Variants in ARHGAP15 observed in about 807,000 individuals in gnomAD.
ARHGAP15 encodes the protein Rho GTPase activating protein 15.
A neutral mutation model predicts 63.7 loss-of-function variants in ARHGAP15; 51 were observed. That is an observed-to-expected ratio of 0.80 (90% CI 0.64 to 1.01). The LOEUF (loss-of-function observed/expected upper bound fraction) is 1.01, where lower values mean the gene tolerates loss of function less well. Among genes scored for constraint, ARHGAP15 ranks in the 50% least tolerant of loss-of-function variants. The pLI is 0.00. For synonymous variants in ARHGAP15, 191 were observed against 193.8 expected, an observed-to-expected ratio of 0.99 and a Z score of 0.12; for missense variants, 560 against 564.6, an observed-to-expected ratio of 0.99 and a Z score of 0.08.
chr2:143,174,414 A>G (rs372867116), intron 2 of ARHGAP15, among the ~76,000 whole-genome samples: 8 of 152,260 alleles, frequency 5.3e-5, no homozygotes, highest in Middle Eastern at 3.4e-3. Flanking sequence ...CATAATTGGC[A>G]AACACTAACT....
intron 6 of ARHGAP15, among the ~76,000 whole-genome samples, chr2:143,400,854 A>C (rs1383656296): frequency 3.9e-5 from 6 of 152,074 alleles, no homozygotes; most frequent in Non-Finnish European, 2.9e-5. Context: ...TGTTTTCAAC[A>C]GCTGATTGGG....
intron 1 of ARHGAP15, 111 bp from the exon 2 acceptor site, chr2:143,155,366 C>T: frequency 9.5e-7 from 1 of 1,052,770 alleles, no homozygotes; most frequent in Admixed American, 3.4e-5. Context: ...GAGGTGAAGA[C>T]TCTTGTTTAT....
chr2:143,519,232 A>AT (rs761439072), intron 9 of ARHGAP15, 34 bp from the exon 10 acceptor site: 1 of 1,491,502 alleles, frequency 6.7e-7, no homozygotes, highest in East Asian at 2.3e-5. Context: ...GCAAGCTTGG[A>AT]TTTTAATGAA....
chr2:143,499,298 T>A (rs1309497630), intron 9 of ARHGAP15, among the ~76,000 whole-genome samples: 1 of 152,212 alleles, frequency 6.6e-6, no homozygotes, highest in Non-Finnish European at 1.5e-5. Context: ...TTGCAGCCAA[T>A]TCAGAATAAC....
At chr2:143,289,602 T>A (rs1682287798) in intron 6 of ARHGAP15, among the ~76,000 whole-genome samples, 1 of 152,178 alleles carries the variant, frequency 6.6e-6, no homozygotes, top group Non-Finnish European at 1.5e-5. Context: ...TCAAAGCTTC[T>A]TCCTGCTTAT....
chr2:143,531,494 A>G (rs1157953462), intron 10 of ARHGAP15, among the ~76,000 whole-genome samples: 1 of 152,204 alleles, frequency 6.6e-6, no homozygotes, highest in Admixed American at 6.5e-5. Context: ...TGTAAATAGC[A>G]GGTTTATAGG....
chr2:143,207,525 G>A (rs1262324832), intron 3 of ARHGAP15, among the ~76,000 whole-genome samples: 2 of 143,934 alleles, frequency 1.4e-5, no homozygotes, highest in Non-Finnish European at 3.0e-5. Context: ...CACACACACA[G>A]TGCCATGAGT....
At position 143,153,842 on chromosome 2, in the gene ARHGAP15, CT is replaced by C. The variant is rs1327922567; in HGVS notation, c.-14-1633del. 3.0e-3 allele frequency among the ~76,000 whole-genome samples: 258 copies of C among 85,878 alleles called. 2 individuals carry two copies. The highest frequency in any genetic ancestry group is 9.5e-3 in the African/African-American group (239 of 25,192). 56.3% of individuals were successfully genotyped at this position (85,878 alleles called of 152,430 possible). On this transcript the variant is annotated intron_variant, in intron 1 of 13. Coordinates refer to ENST00000295095, the MANE Select transcript of ARHGAP15 (RefSeq NM_018460.4). ...TCTTCTTCTTCTTCTTCTTCTTCTT[CT>C]TCCTCCTCCTCCTCCTCCTCCTCCT...
At chr2:143,660,367 C>G (rs1681694418) in intron 12 of ARHGAP15, among the ~76,000 whole-genome samples, 1 of 152,136 alleles carries the variant, frequency 6.6e-6, no homozygotes, top group East Asian at 1.9e-4. Flanking sequence ...GCCGATACTG[C>G]TTTCAAGCAG....
intron 6 of ARHGAP15, among the ~76,000 whole-genome samples, chr2:143,290,885 G>A (rs1219161981): frequency 3.3e-5 from 5 of 152,202 alleles, no homozygotes; most frequent in South Asian, 2.1e-4. Context: ...CAGGTAACGA[G>A]GTAGAAAAGA....
intron 6 of ARHGAP15, among the ~76,000 whole-genome samples, chr2:143,389,482 G>A (rs1392180326): frequency 6.6e-6 from 1 of 152,152 alleles, no homozygotes; most frequent in South Asian, 2.1e-4. Context: ...AAACATGTCA[G>A]CATTTTCCCC....
At chr2:143,386,028 C>G (rs1416285223) in intron 6 of ARHGAP15, among the ~76,000 whole-genome samples, 1 of 151,988 alleles carries the variant, frequency 6.6e-6, no homozygotes, top group Non-Finnish European at 1.5e-5. Context: ...ATATTCAACT[C>G]TAATCATTGT....
intron 6 of ARHGAP15, 105 bp downstream of exon 6, chr2:143,250,705 A>AGC: frequency 1.1e-6 from 1 of 877,158 alleles, no homozygotes; most frequent in Non-Finnish European, 1.7e-6. Flanking sequence ...CATGTACATG[A>AGC]ACTCGTTGTC....
Position 143,510,117 on chromosome 2 carries a change from T to C in ARHGAP15, c.827-9149T>C, listed in dbSNP as rs566628895. Among the ~76,000 whole-genome samples, 4 of 145,646 alleles carry C rather than the reference T, an allele frequency of 2.7e-5. No individual in the cohort carries two copies. The South Asian group carries it at 8.9e-4, about 32-fold the overall frequency. On this transcript the variant is annotated intron_variant, in intron 9 of 13. Transcript: ENST00000295095. ...AAAACCAATTCTCAAAAGGAAAAACTAATGTAATTTATAGTTTAAAATCAA... is the reference window on the plus strand; with the variant it reads ...AAAACCAATTCTCAAAAGGAAAAACCAATGTAATTTATAGTTTAAAATCAA...
chr2:143,317,496 T>C (rs997890833), intron 6 of ARHGAP15, among the ~76,000 whole-genome samples: 3 of 152,162 alleles, frequency 2.0e-5, no homozygotes, highest in Non-Finnish European at 2.9e-5. Flanking sequence ...GAAAGAAGAC[T>C]TGTTTTGAGA....
At chr2:143,558,168 G>A (rs1057145501) in intron 11 of ARHGAP15, among the ~76,000 whole-genome samples, 3 of 152,100 alleles carry the variant, frequency 2.0e-5, no homozygotes, top group South Asian at 2.1e-4. Context: ...CAGGTCCTCT[G>A]AATGTTTTTC....
Position 143,409,076 on chromosome 2 carries a change from C to T in ARHGAP15, c.475-26525C>T, listed in dbSNP as rs73001520. Among the ~76,000 whole-genome samples the T allele has an allele frequency of 4.7e-3, 710 of 152,060 alleles. 9 individuals carry two copies. Among genetic ancestry groups the T allele is most frequent in the African/African-American group, 0.016 (669 of 41,524 alleles). On this transcript the variant is annotated intron_variant, in intron 6 of 13. Coordinates refer to ENST00000295095, the MANE Select transcript of ARHGAP15 (RefSeq NM_018460.4). ...ACATAGAAAGCAATGATCTCTGACA[C>T]TTTTTATTTTTTCAGAATAAATTGA...
intron 6 of ARHGAP15, among the ~76,000 whole-genome samples, chr2:143,419,791 A>G (rs538885180): frequency 1.6e-4 from 24 of 152,266 alleles, no homozygotes; most frequent in East Asian, 7.7e-4. Flanking sequence ...CTGGTTTTGC[A>G]TATTTTAAGT....
chr2:143,346,162 A>ACACACACACACTCTCT (rs1558909349), intron 6 of ARHGAP15, among the ~76,000 whole-genome samples: 14 of 110,780 alleles, frequency 1.3e-4, no homozygotes, highest in African/African-American at 4.9e-4. Flanking sequence ...GAGCACACAC[A>ACACACACACACTCTCT]CACACACACA....
Sources: allele counts gnomAD v4.1 joint callset (sites outside exome capture counted in the v4.1 genomes callset), GRCh38; gene constraint gnomAD v4.1.1; transcripts MANE v1.5; gene names NCBI Gene and HGNC (gene_info 2026-07-23, HGNC 2026-07-21).